Variants in SCAMP5 observed in about 807,000 individuals in gnomAD.
The protein encoded by SCAMP5 is secretory carrier-associated membrane protein 5.
SCAMP5 carries 7 observed loss-of-function variants against 28.3 expected under a neutral mutation model. The ratio of observed to expected loss-of-function variants is 0.25; its 90% CI spans 0.14 to 0.46. The LOEUF (loss-of-function observed/expected upper bound fraction) is 0.46. SCAMP5 is among the 20% of genes least tolerant of loss of function. The pLI is 0.99. For synonymous variants in SCAMP5, 117 were observed against 116.4 expected (o/e 1.00, Z -0.03); for missense variants, 192 against 312.5 (o/e 0.61, Z 2.91).
Position 75,018,614 on chromosome 15 carries a change from A to G in SCAMP5, c.513+79A>G. 1.7e-6 allele frequency: 2 copies of G among 1,173,264 alleles called. No individual in the cohort carries two copies. The highest frequency in any genetic ancestry group is 1.2e-5 in the South Asian group (1 of 82,248). The allele number at this position is 1,173,264 out of a possible 1,614,324, so 72.7% of individuals were successfully genotyped here. On this transcript the variant is annotated intron_variant, in intron 6 of 6. Coordinates refer to ENST00000425597, the MANE Select transcript of SCAMP5 (RefSeq NM_138967.4). The surrounding 1 kb of genome is among the most constrained non-coding windows in gnomAD (Gnocchi z 5.6). ...GAAACAAGCCCTCCTCCAAGTTGCAAGAGGATCCCGAGGTCTTCCAAGGGA... is the reference window on the plus strand; with the variant it reads ...GAAACAAGCCCTCCTCCAAGTTGCAGGAGGATCCCGAGGTCTTCCAAGGGA...
chr15:75,002,852 A>G (rs924365592), intron 1 of SCAMP5, among the ~76,000 whole-genome samples: 1 of 152,060 alleles, frequency 6.6e-6, no homozygotes, highest in African/African-American at 2.4e-5. Flanking sequence ...TTCTAAGATG[A>G]ACATTTTGAT....
chr15:74,998,363 G>A (rs991567008), intron 1 of SCAMP5, among the ~76,000 whole-genome samples: 1 of 152,092 alleles, frequency 6.6e-6, no homozygotes, highest in African/African-American at 2.4e-5. Context: ...CCCAGCACTT[G>A]GGGAGGCCGA....
At chr15:75,012,589 G>A in intron 2 of SCAMP5, 88 bp from the exon 3 acceptor site, 1 of 1,516,306 alleles carries the variant, frequency 6.6e-7, no homozygotes. Context: ...AGGGGCCAAT[G>A]GGGCAGCACA....
At chr15:75,017,627 A>G (rs1452840235) in intron 4 of SCAMP5, 1 of 592,086 alleles carries the variant, frequency 1.7e-6, no homozygotes, top group East Asian at 2.8e-5. Context: ...CCGTCCATCC[A>G]TGTACCAGTG....
Position 75,018,523 on chromosome 15 carries a change from C to T in SCAMP5, c.501C>T (p.Ile167=), listed in dbSNP as rs1156419502. The change falls in exon 6 of 7, where the codon ATC becomes ATT. Residue 167 remains isoleucine (I), a synonymous_variant. Coordinates refer to ENST00000425597, the MANE Select transcript of SCAMP5 (RefSeq NM_138967.4). This position sits in a 1 kb window ranked among gnomAD's most constrained non-coding sequence, Gnocchi z 5.6. ...CAGTGATGGCCGTCTTTTCCTTCAT[C>T]GCCCTCAGCATGGTACGTGGTCCCC... ...MFTVMAVFSF[I]ALSMVHKFYR... is the part of the protein sequence containing the mutation. 16 of 1,607,988 alleles carry T rather than the reference C, an allele frequency of 1.0e-5. No homozygotes were observed. Among genetic ancestry groups the T allele is most frequent in the Non-Finnish European group, 1.3e-5 (15 of 1,174,572 alleles).
chr15:75,009,466 T>TGC (rs1191357877), intron 1 of SCAMP5, among the ~76,000 whole-genome samples: 1 of 151,518 alleles, frequency 6.6e-6, no homozygotes, highest in Non-Finnish European at 1.5e-5. Context: ...TGTGTGTGTG[T>TGC]GTGTGTGTGT....
At position 75,011,461 on chromosome 15, in the gene SCAMP5, A is replaced by G. The variant is rs73436598; in HGVS notation, c.-48-331A>G. Among the ~76,000 whole-genome samples the G allele has an allele frequency of 2.2e-3, 332 of 152,324 alleles. 2 individuals are homozygous for G. Among genetic ancestry groups the G allele is most frequent in the African/African-American group, 7.8e-3 (324 of 41,574 alleles). On this transcript the variant is annotated intron_variant, in intron 1 of 6. Coordinates refer to ENST00000425597, the MANE Select transcript of SCAMP5 (RefSeq NM_138967.4). Reference sequence around the variant, plus strand: ...GGAGGCTAGCCTGTGACCAAGGCCGAGGCTCAGTCTGTAATTCAAGGTCAA... The same window carrying G: ...GGAGGCTAGCCTGTGACCAAGGCCGGGGCTCAGTCTGTAATTCAAGGTCAA...
intron 1 of SCAMP5, among the ~76,000 whole-genome samples, chr15:74,997,728 G>A (rs1430296756): frequency 6.6e-6 from 1 of 152,206 alleles, no homozygotes; most frequent in Non-Finnish European, 1.5e-5. Flanking sequence ...GGTGGTGGGA[G>A]GGAGGTTTGT....
At position 75,016,827 on chromosome 15, in the gene SCAMP5, T is replaced by G. The variant is rs573320004; in HGVS notation, c.293+78T>G. On this transcript the variant is annotated intron_variant, in intron 4 of 6. Transcript: ENST00000425597. Reference sequence around the variant, plus strand: ...GTCTCTTCTCCATATCTTTTCTCACTTCTTTTTTTTTTTTTTTACCCTCCC... The same window carrying G: ...GTCTCTTCTCCATATCTTTTCTCACGTCTTTTTTTTTTTTTTTACCCTCCC... The G allele has an allele frequency of 2.4e-4, 293 of 1,224,446 alleles. 1 individual carries two copies. The African/African-American group carries it at 4.1e-3, about 17-fold the overall frequency. The allele number at this position is 1,224,446 out of a possible 1,614,324, so 75.8% of individuals were successfully genotyped here.
At chr15:75,001,269 CAAAAAAAAAAAA>C (rs34325708) in intron 1 of SCAMP5, among the ~76,000 whole-genome samples, 1 of 58,186 alleles carries the variant, frequency 1.7e-5, no homozygotes, top group Non-Finnish European at 3.3e-5. Context: ...AGCGAGACTC[CAAAAAAAAAAAA>C]AAAAAAAAAA....
In SCAMP5 at chr15:75,018,718, G is replaced by T; in HGVS notation, c.514-71G>T. ...AGCACTGTTTTTTTTTTACAGATGG[G>T]TCCCATCTATTTCCTGGATGGGCTG... On this transcript the variant is annotated intron_variant, in intron 6 of 6. Coordinates refer to ENST00000425597, the MANE Select transcript of SCAMP5 (RefSeq NM_138967.4). The surrounding 1 kb of genome is among the most constrained non-coding windows in gnomAD (Gnocchi z 5.6). 1.7e-6 allele frequency: 2 copies of T among 1,192,948 alleles called. No individual in the cohort carries two copies. The highest frequency in any genetic ancestry group is 1.2e-6 in the Non-Finnish European group (1 of 808,340). 73.9% of individuals were successfully genotyped at this position (1,192,948 alleles called of 1,614,324 possible). A position where few individuals can be genotyped will look rare whatever the true frequency, so the allele number is the denominator to read the frequency against.
At chr15:75,004,113 A>G (rs2065734206) in intron 1 of SCAMP5, among the ~76,000 whole-genome samples, 1 of 152,050 alleles carries the variant, frequency 6.6e-6, no homozygotes, top group South Asian at 2.1e-4. Flanking sequence ...CATGTTGGTC[A>G]GGCTGGTCTT....
At chr15:75,002,692 C>T (rs1311871068) in intron 1 of SCAMP5, among the ~76,000 whole-genome samples, 1 of 151,818 alleles carries the variant, frequency 6.6e-6, no homozygotes, top group African/African-American at 2.4e-5. Context: ...CCTCGTGTCT[C>T]ATCAGCTGCT....
chr15:75,017,847 G>A (rs760274628), intron 4 of SCAMP5, 23 bp from the exon 5 acceptor site: 7 of 1,546,124 alleles, frequency 4.5e-6, no homozygotes, highest in Admixed American at 1.7e-5. Context: ...CCCAGGTGAC[G>A]GGAGCCACCT....
intron 3 of SCAMP5, among the ~76,000 whole-genome samples, chr15:75,015,522 G>A (rs1595888659): frequency 6.6e-6 from 1 of 152,058 alleles, no homozygotes; most frequent in Non-Finnish European, 1.5e-5. Context: ...TTATATCTGG[G>A]GAACCTTGAG....
chr15:75,017,308 C>T (rs1555411727), intron 4 of SCAMP5, among the ~76,000 whole-genome samples: 1 of 152,052 alleles, frequency 6.6e-6, no homozygotes, highest in Non-Finnish European at 1.5e-5. Context: ...ATCTTTGTGC[C>T]AATGTGACTA....
intron 1 of SCAMP5, among the ~76,000 whole-genome samples, chr15:75,008,812 A>G (rs2065784923): frequency 6.6e-6 from 1 of 152,036 alleles, no homozygotes; most frequent in Non-Finnish European, 1.5e-5. Flanking sequence ...TCTTTTTTAC[A>G]TCTGTGTAAT....
At chr15:74,998,217 C>T (rs2141419983) in intron 1 of SCAMP5, among the ~76,000 whole-genome samples, 1 of 152,342 alleles carries the variant, frequency 6.6e-6, no homozygotes, top group South Asian at 2.1e-4. Flanking sequence ...AGGTGTTTCC[C>T]TAGGCCTACA....
At chr15:75,006,324 T>C (rs1030155139) in intron 1 of SCAMP5, among the ~76,000 whole-genome samples, 1 of 151,756 alleles carries the variant, frequency 6.6e-6, no homozygotes, top group Non-Finnish European at 1.5e-5. Context: ...AATAAAATAA[T>C]AATGTCACTT....
Sources: allele counts gnomAD v4.1 joint callset (sites outside exome capture counted in the v4.1 genomes callset), GRCh38; gene constraint gnomAD v4.1.1; non-coding constraint Gnocchi (gnomAD v3.1); transcripts MANE v1.5; gene names NCBI Gene and HGNC (gene_info 2026-07-23, HGNC 2026-07-21).